Variants in DEFB121 observed in about 807,000 individuals in gnomAD.
DEFB121 encodes the protein defensin beta 121.
Under a neutral mutation model 2.5 loss-of-function variants are expected in DEFB121, and 5 were observed. The observed-to-expected ratio is 1.96, with a 90% CI of 1.03 to 4.13. The LOEUF (loss-of-function observed/expected upper bound fraction) is 4.13, where lower values mean the gene tolerates loss of function less well. Ranked by LOEUF, DEFB121 falls within the 30% of genes most tolerant of loss-of-function variation. DEFB121 has a pLI of 0.00. For synonymous variants in DEFB121, 39 were observed against 32.6 expected, an observed-to-expected ratio of 1.20 and a Z score of -0.67; for missense variants, 87 against 85.0, an observed-to-expected ratio of 1.02 and a Z score of -0.09.
At chr20:31,413,572 C>A (rs564150894), upstream of DEFB121, among the ~76,000 whole-genome samples, 11 of 152,264 alleles carry the variant, frequency 7.2e-5, no homozygotes, top group Non-Finnish European at 1.0e-4. Flanking sequence ...CAGTGTGGAA[C>A]CCAAGCTGAC....
Position 31,412,592 on chromosome 20 carries a change from T to C in DEFB121, n.217+30A>G, listed in dbSNP as rs1279027012. ...ATAGAGGAAAGCCTCTGACAACTGG[T>C]AGTTACTGTTATTTACTATGAATCC... On this transcript the variant is annotated intron_variant and non_coding_transcript_variant, in intron 1 of 1. Coordinates refer to the DEFB121 transcript ENST00000376312. The C allele has an allele frequency of 1.2e-5, 16 of 1,288,732 alleles. 1 individual carries two copies. The highest frequency in any genetic ancestry group is 1.6e-5 in the Non-Finnish European group (16 of 986,982). The allele number at this position is 1,288,732 out of a possible 1,614,324, so 79.8% of individuals were successfully genotyped here. A position where few individuals can be genotyped will look rare whatever the true frequency, so the allele number is the denominator to read the frequency against.
At chr20:31,411,660 A>T (rs900871411) in intron 1 of DEFB121, among the ~76,000 whole-genome samples, 1 of 152,210 alleles carries the variant, frequency 6.6e-6, no homozygotes, top group African/African-American at 2.4e-5. Flanking sequence ...ATGGTACATT[A>T]GGAAAATTAT....
chr20:31,413,572 C>G (rs564150894), upstream of DEFB121, among the ~76,000 whole-genome samples: 1 of 152,146 alleles, frequency 6.6e-6, no homozygotes, highest in African/African-American at 2.4e-5. Flanking sequence ...CAGTGTGGAA[C>G]CCAAGCTGAC....
intron 1 of DEFB121, 39 bp downstream of exon 1, chr20:31,406,056 G>T (rs1225100867): frequency 3.1e-6 from 5 of 1,611,504 alleles, no homozygotes; most frequent in East Asian, 4.5e-5. Flanking sequence ...CATGCATCAG[G>T]TTTCCTGACT....
At chr20:31,408,377 A>G (rs1978553970), upstream of DEFB121, among the ~76,000 whole-genome samples, 1 of 152,124 alleles carries the variant, frequency 6.6e-6, no homozygotes, top group African/African-American at 2.4e-5. Flanking sequence ...ATTTGAGCCC[A>G]GGAGGTCGAA....
At chr20:31,415,942 A>T (rs951735631), upstream of DEFB121, among the ~76,000 whole-genome samples, 1 of 152,106 alleles carries the variant, frequency 6.6e-6, no homozygotes, top group African/African-American at 2.4e-5. Context: ...TAAAAATGAG[A>T]TTTTTATAGT....
At chr20:31,412,508 G>T in intron 1 of DEFB121, 1 of 663,020 alleles carries the variant, frequency 1.5e-6, no homozygotes, top group Non-Finnish European at 2.3e-6. Context: ...TGACAGCAGA[G>T]GTTTGCTGTG....
chr20:31,416,671 G>A (rs1240147752), upstream of DEFB121, among the ~76,000 whole-genome samples: 1 of 152,122 alleles, frequency 6.6e-6, no homozygotes, highest in Non-Finnish European at 1.5e-5. Context: ...TTCCATCACT[G>A]GACGCCTCTA....
At chr20:31,407,552 C>T (rs1171670031), upstream of DEFB121, among the ~76,000 whole-genome samples, 1 of 152,130 alleles carries the variant, frequency 6.6e-6, no homozygotes, top group South Asian at 2.1e-4. Flanking sequence ...TGGGGCACAG[C>T]TACTCCAGGC....
chr20:31,406,333 C>A (rs1978480904), upstream of DEFB121: 3 of 1,327,946 alleles, frequency 2.3e-6, no homozygotes, highest in African/African-American at 4.5e-5. Flanking sequence ...AAGGTATCAA[C>A]CACACTGCCT....
At chr20:31,407,621 G>A (rs1978524374), upstream of DEFB121, among the ~76,000 whole-genome samples, 1 of 152,154 alleles carries the variant, frequency 6.6e-6, no homozygotes, top group Admixed American at 6.5e-5. Context: ...CTCAAGCAGG[G>A]CAATCTAGCC....
intron 1 of DEFB121, among the ~76,000 whole-genome samples, chr20:31,405,479 T>C (rs1978448596): frequency 6.6e-6 from 1 of 152,186 alleles, no homozygotes. Context: ...TCTGACCATA[T>C]CAATGAAAGG....
intron 1 of DEFB121, among the ~76,000 whole-genome samples, chr20:31,411,370 T>C (rs191398259): frequency 9.8e-4 from 149 of 152,308 alleles, no homozygotes; most frequent in African/African-American, 3.4e-3. Flanking sequence ...TGGCTGAACA[T>C]AATCTTATTC....
upstream of DEFB121, among the ~76,000 whole-genome samples, chr20:31,415,096 AG>A (rs1371403000): frequency 2.0e-5 from 3 of 152,234 alleles, no homozygotes; most frequent in African/African-American, 7.2e-5. Context: ...TTAAAGTTTT[AG>A]AAATCTGCTG....
intron 1 of DEFB121, among the ~76,000 whole-genome samples, chr20:31,412,026 G>T (rs1364442637): frequency 2.0e-5 from 3 of 152,194 alleles, no homozygotes; most frequent in Admixed American, 6.5e-5. Context: ...TGAAGAGTTT[G>T]CCCAGCATCC....
chr20:31,417,745 C>T (rs1978847839), upstream of DEFB121, among the ~76,000 whole-genome samples: 1 of 151,502 alleles, frequency 6.6e-6, no homozygotes, highest in African/African-American at 2.4e-5. Flanking sequence ...GGCCAATCAC[C>T]TGAGGTCAGG....
At chr20:31,405,698 A>G (rs924690878) in intron 1 of DEFB121, among the ~76,000 whole-genome samples, 1 of 152,234 alleles carries the variant, frequency 6.6e-6, no homozygotes, top group Non-Finnish European at 1.5e-5. Context: ...AAGTGGAATC[A>G]GAATCCTCAA....
At chr20:31,413,853 C>T (rs376890096), upstream of DEFB121, among the ~76,000 whole-genome samples, 10 of 152,236 alleles carry the variant, frequency 6.6e-5, no homozygotes, top group South Asian at 1.9e-3. Context: ...CCCTTGCACA[C>T]GCTGGGTGGG....
chr20:31,416,708 C>G (rs1455166013), upstream of DEFB121, among the ~76,000 whole-genome samples: 2 of 152,192 alleles, frequency 1.3e-5, no homozygotes, highest in Admixed American at 1.3e-4. Context: ...ATCAATTAAG[C>G]CAGAATTTAC....
Sources: gnomAD v4.1 joint callset for allele counts (sites outside exome capture counted in the v4.1 genomes callset) on GRCh38, gnomAD v4.1.1 for gene constraint, MANE v1.5 for transcripts, NCBI Gene and HGNC (gene_info 2026-07-23, HGNC 2026-07-21) for gene names.